The following NREP variants were observed in gnomAD, a reference collection of about 807,000 sequenced individuals.
NREP encodes neuronal regeneration related protein, also known as neuronal regeneration-related protein.
In NREP, 5 loss-of-function variants were observed where a neutral mutation model predicts 8.6. The ratio of observed to expected loss-of-function variants is 0.58; its 90% CI spans 0.30 to 1.22. NREP has a LOEUF of 1.22. NREP is among the 50% of genes most tolerant of loss of function. NREP has a pLI of 0.07. For synonymous variants in NREP, 27 were observed against 28.0 expected (o/e 0.96, Z 0.11); for missense variants, 86 against 82.5 (o/e 1.04, Z -0.17).
chr5:111,871,892 A>G (rs1014464604), intron 2 of NREP, among the ~76,000 whole-genome samples: 1 of 149,144 alleles, frequency 6.7e-6, no homozygotes, highest in African/African-American at 2.4e-5. Context: ...CTCGTTCTAT[A>G]TAGCATAACA....
At chr5:111,948,209 T>C (rs183057672) in intron 2 of NREP, among the ~76,000 whole-genome samples, 2 of 152,218 alleles carry the variant, frequency 1.3e-5, no homozygotes, top group Non-Finnish European at 2.9e-5. Flanking sequence ...GTAATGCTAT[T>C]TCCCTGGTGG....
At chr5:111,932,233 TAAA>T (rs1209721959) in intron 2 of NREP, among the ~76,000 whole-genome samples, 1 of 151,822 alleles carries the variant, frequency 6.6e-6, no homozygotes, top group Non-Finnish European at 1.5e-5. Context: ...TTTCCTCCAA[TAAA>T]AATACCTATG....
chr5:111,889,599 C>G (rs1754345371), intron 2 of NREP, among the ~76,000 whole-genome samples: 1 of 152,140 alleles, frequency 6.6e-6, no homozygotes, highest in Non-Finnish European at 1.5e-5. Flanking sequence ...CTCAAAAGTC[C>G]CAAGTCTCAT....
intron 2 of NREP, among the ~76,000 whole-genome samples, chr5:111,860,272 T>C (rs1309314626): frequency 2.0e-5 from 3 of 152,130 alleles, no homozygotes; most frequent in Non-Finnish European, 4.4e-5. Flanking sequence ...CTGAAGACCT[T>C]AGTGCCCCCT....
intron 2 of NREP, among the ~76,000 whole-genome samples, chr5:111,832,807 C>T (rs935844374): frequency 3.3e-5 from 5 of 152,212 alleles, no homozygotes; most frequent in East Asian, 3.9e-4. Flanking sequence ...ATAGCCAATA[C>T]GCAGTCATTC....
In NREP at chr5:111,854,699, G is replaced by A. The variant is rs187064470; in HGVS notation, c.136-119192C>T. On this transcript the variant is annotated intron_variant, in intron 2 of 3. Coordinates refer to the NREP transcript ENST00000395634. ...TTCTCAATTTCTATTTTTTCATTGC[G>A]TAAGTGAAACATGAAAATGAATAAT... Among the ~76,000 whole-genome samples the A allele has an allele frequency of 8.6e-5, 13 of 151,846 alleles. No homozygotes were observed. In the South Asian group the frequency reaches 1.3e-3, roughly 15 times the overall value.
At chr5:111,848,276 A>G (rs1295384291) in intron 2 of NREP, among the ~76,000 whole-genome samples, 1 of 152,190 alleles carries the variant, frequency 6.6e-6, no homozygotes, top group African/African-American at 2.4e-5. Context: ...TTGGCAGGCC[A>G]TATGGATATA....
chr5:111,757,367 C>T, upstream of NREP: 1 of 935,876 alleles, frequency 1.1e-6, no homozygotes, highest in Non-Finnish European at 1.3e-6. Flanking sequence ...AGGAGGAGAT[C>T]ATCTCCCTGC....
intron 2 of NREP, among the ~76,000 whole-genome samples, chr5:111,873,779 C>T (rs981425224): frequency 2.0e-5 from 3 of 152,132 alleles, no homozygotes; most frequent in Non-Finnish European, 4.4e-5. Flanking sequence ...AATGTATTCA[C>T]AGGTTCAAGA....
intron 2 of NREP, among the ~76,000 whole-genome samples, chr5:111,876,625 G>T (rs1282590082): frequency 6.6e-6 from 1 of 152,182 alleles, no homozygotes; most frequent in Non-Finnish European, 1.5e-5. Context: ...GCCAATGTGA[G>T]GAAAGACCAT....
chr5:111,962,451 A>G (rs1756506511), intron 2 of NREP, among the ~76,000 whole-genome samples: 1 of 152,178 alleles, frequency 6.6e-6, no homozygotes, highest in Non-Finnish European at 1.5e-5. Context: ...CCTTTCTTAA[A>G]TAGTTGTTTC....
intron 2 of NREP, among the ~76,000 whole-genome samples, chr5:111,854,364 A>G (rs1753379315): frequency 6.6e-6 from 1 of 152,158 alleles, no homozygotes; most frequent in Admixed American, 6.5e-5. Flanking sequence ...AGCACTTTGT[A>G]GGGTTTCACC....
chr5:111,864,435 A>G (rs1753620667), intron 2 of NREP, among the ~76,000 whole-genome samples: 1 of 152,136 alleles, frequency 6.6e-6, no homozygotes, highest in Non-Finnish European at 1.5e-5. Context: ...ATAGGGAGAT[A>G]TCACCCCCCA....
At chr5:111,849,587 T>A (rs1753260442) in intron 2 of NREP, among the ~76,000 whole-genome samples, 1 of 152,154 alleles carries the variant, frequency 6.6e-6, no homozygotes, top group Non-Finnish European at 1.5e-5. Flanking sequence ...AAGAGTTACA[T>A]AGGCTTTTTT....
At chr5:111,935,276 G>A (rs1324475673) in intron 2 of NREP, among the ~76,000 whole-genome samples, 4 of 152,072 alleles carry the variant, frequency 2.6e-5, no homozygotes, top group Non-Finnish European at 4.4e-5. Context: ...TTTACTGAAT[G>A]TAGGCAGATA....
intron 2 of NREP, among the ~76,000 whole-genome samples, chr5:111,875,041 T>C (rs1753872630): frequency 6.6e-6 from 1 of 152,162 alleles, no homozygotes; most frequent in South Asian, 2.1e-4. Context: ...TTATCAGAAC[T>C]TTTCCAAAGA....
chr5:111,843,016 TG>T (rs1753069162), intron 2 of NREP, among the ~76,000 whole-genome samples: 1 of 152,198 alleles, frequency 6.6e-6, no homozygotes, highest in Non-Finnish European at 1.5e-5. Context: ...CAATGTGTCG[TG>T]GTGAAGATCT....
chr5:111,733,047 G>A (rs1748744809), intron 3 of NREP: 1 of 152,150 alleles, frequency 6.6e-6, no homozygotes, highest in South Asian at 2.1e-4. Context: ...AGGGATTTGG[G>A]AAGAGGCACT....
chr5:111,833,540 G>C (rs7708380), intron 2 of NREP, among the ~76,000 whole-genome samples: 8,805 of 152,204 alleles, frequency 0.058, 592 homozygotes, highest in East Asian at 0.24. Context: ...AAAACCACTT[G>C]ATTTTCTACA....
Sources: allele counts gnomAD v4.1 joint callset (sites outside exome capture counted in the v4.1 genomes callset), GRCh38; gene constraint gnomAD v4.1.1; transcripts MANE v1.5; gene names NCBI Gene and HGNC (gene_info 2026-07-23, HGNC 2026-07-21).